Variants in COL11A2 observed in about 807,000 individuals in gnomAD.
COL11A2 encodes collagen alpha-2(XI) chain.
COL11A2 carries 116 observed loss-of-function variants against 273.4 expected under a neutral mutation model. The observed-to-expected ratio is 0.42, with a 90% CI of 0.36 to 0.49. COL11A2 has a LOEUF of 0.49. Among genes scored for constraint, COL11A2 ranks in the 20% least tolerant of loss-of-function variants. The probability of loss-of-function intolerance (pLI) is 0.00; values close to 1 mark genes in which losing one functional copy is unlikely to be tolerated. For synonymous variants in COL11A2, 782 were observed against 864.2 expected, an observed-to-expected ratio of 0.90 and a Z score of 1.67; for missense variants, 1,866 against 2,309.0, an observed-to-expected ratio of 0.81 and a Z score of 3.93.
chr6:33,176,497 A>C lies in COL11A2; in HGVS notation c.2116-11T>G. 6.2e-7 allele frequency: 1 copy of C among 1,611,470 alleles called. No individual in the cohort carries two copies. Among genetic ancestry groups the C allele is most frequent in the Non-Finnish European group, 8.5e-7 (1 of 1,178,828 alleles). On this transcript the variant is annotated splice_polypyrimidine_tract_variant and intron_variant, in intron 26 of 65. Transcript: ENST00000341947. The surrounding 1 kb of genome is among the most constrained non-coding windows in gnomAD (Gnocchi z 4.9). Reference sequence around the variant, plus strand: ...AGGTCCAGAGGGACCCTGGAAGATAAAAGAGAGGCATTTATAAAGGGGCCT... The same window carrying C: ...AGGTCCAGAGGGACCCTGGAAGATACAAGAGAGGCATTTATAAAGGGGCCT...
chr6:33,185,910 G>C (rs1772363354), intron 5 of COL11A2, 132 bp from the exon 6 acceptor site: 3 of 401,516 alleles, frequency 7.5e-6, no homozygotes, highest in South Asian at 5.5e-5. Flanking sequence ...TTGGGAAACA[G>C]AGAGTTGAAG....
At chr6:33,168,593 G>GA in intron 53 of COL11A2, 21 bp from the exon 54 acceptor site, 1 of 1,613,076 alleles carries the variant, frequency 6.2e-7, no homozygotes, top group Non-Finnish European at 8.5e-7. Context: ...AGGAATTGGG[G>GA]TGGCTGAGTG....
chr6:33,178,266 C>T lies in COL11A2; in HGVS notation c.1818+42G>A, dbSNP rs73741534. The T allele has an allele frequency of 2.3e-3, 3,788 of 1,612,738 alleles. 16 individuals carry two copies. Among genetic ancestry groups the T allele is most frequent in the African/African-American group, 0.018 (1,363 of 74,928 alleles). ...AGTGCTCATGTCCCCCTCCTGGCTT[C>T]CCCAGAGCCCCCTCCCCCAGCACCA... On this transcript the variant is annotated intron_variant, in intron 20 of 65. Transcript: ENST00000341947. This position sits in a 1 kb window ranked among gnomAD's most constrained non-coding sequence, Gnocchi z 4.6.
intron 54 of COL11A2, among the ~76,000 whole-genome samples, chr6:33,168,283 T>C (rs1309849228): frequency 7.0e-6 from 1 of 142,834 alleles, no homozygotes; most frequent in Non-Finnish European, 1.6e-5. Context: ...GCACACACAC[T>C]CGCCCAGTGC....
Position 33,189,436 on chromosome 6 carries a change from C to A in COL11A2, c.116G>T (p.Arg39Met). ...GACACCATCAGGGAGGGAGGGGAAC[C>A]TCAGGGCCCGGAGCACATCCACAGG... is the stretch of plus-strand genomic sequence containing the variant. The part of the protein sequence containing the change: ...APPVDVLRAL[R>M]FPSLPDGVRR... The change falls in exon 2 of 66, where the codon AGG becomes ATG. Residue 39 changes from arginine (R) to methionine (M), a missense_variant. Arg to Met is a moderately conservative substitution (Grantham distance 91). Transcript: ENST00000341947. The surrounding 1 kb of genome is among the most constrained non-coding windows in gnomAD (Gnocchi z 5.6). 5.0e-6 allele frequency: 8 copies of A among 1,613,110 alleles called. No individual in the cohort carries two copies. The highest frequency in any genetic ancestry group is 2.2e-5 in the East Asian group (1 of 44,872).
chr6:33,170,747 TG>T lies in COL11A2; in HGVS notation c.3474+62del. ...GCATCGGCAGGCTGCTGGCAGAGTC[TG>T]GGGCAAAACATCACCCCATCCTGAC... On this transcript the variant is annotated intron_variant, in intron 46 of 65. Coordinates refer to ENST00000341947, the MANE Select transcript of COL11A2 (RefSeq NM_080680.3). The surrounding 1 kb of genome is among the most constrained non-coding windows in gnomAD (Gnocchi z 4.3). 1 of 1,598,138 alleles carries T rather than the reference TG, an allele frequency of 6.3e-7. No homozygotes were observed. Among genetic ancestry groups the T allele is most frequent in the Non-Finnish European group, 8.6e-7 (1 of 1,166,700 alleles).
At position 33,189,206 on chromosome 6, in the gene COL11A2, T is replaced by G. The variant is rs1562389924; in HGVS notation, c.233-18A>C. On this transcript the variant is annotated intron_variant, in intron 2 of 65. Coordinates refer to ENST00000341947, the MANE Select transcript of COL11A2 (RefSeq NM_080680.3). This position sits in a 1 kb window ranked among gnomAD's most constrained non-coding sequence, Gnocchi z 5.6. ...AAATCCTCCTAGTAACCGAGAGAGA[T>G]ACACACAGAGTGAGAGGCAAAGGGA... 1 of 1,613,226 alleles carries G rather than the reference T, an allele frequency of 6.2e-7. No homozygotes were observed. The highest frequency in any genetic ancestry group is 1.1e-5 in the South Asian group (1 of 91,018).
At position 33,178,741 on chromosome 6, in the gene COL11A2, A is replaced by C. The variant is rs181999673; in HGVS notation, c.1666-9T>G. 4.8e-5 allele frequency: 78 copies of C among 1,612,516 alleles called. No individual in the cohort carries two copies. The East Asian group carries it at 1.6e-3, about 33-fold the overall frequency. ...TCAAAACCTCGGTCACCCTAGGAGG[A>C]GGAAGGATAGCCAGAGTGAGGACAC... On this transcript the variant is annotated splice_polypyrimidine_tract_variant and intron_variant, in intron 17 of 65. Coordinates refer to ENST00000341947, the MANE Select transcript of COL11A2 (RefSeq NM_080680.3). This position sits in a 1 kb window ranked among gnomAD's most constrained non-coding sequence, Gnocchi z 4.6.
intron 38 of COL11A2, 88 bp downstream of exon 38, chr6:33,172,972 C>A (rs1770329645): frequency 7.8e-6 from 11 of 1,415,708 alleles, no homozygotes; most frequent in Non-Finnish European, 1.1e-5. Flanking sequence ...GTCAGGTGGA[C>A]CGGGGCAGGG....
intron 30 of COL11A2, among the ~76,000 whole-genome samples, chr6:33,174,949 C>A (rs1770690690): frequency 1.3e-5 from 2 of 152,158 alleles, no homozygotes; most frequent in Admixed American, 1.3e-4. Flanking sequence ...AATCCCCCTG[C>A]AGGCCCTTTG....
rs151319255 is a variant in COL11A2, at chr6:33,164,861, G to C, written c.4854C>G (p.Asp1618Glu). The C allele has an allele frequency of 2.3e-4, 354 of 1,559,998 alleles. No individual in the cohort carries two copies. The highest frequency in any genetic ancestry group is 2.7e-4 in the Non-Finnish European group (307 of 1,151,056). Residue 1618 changes from aspartate to glutamate, a missense_variant, in exon 64 of 66, where the codon GAC (aspartate) becomes GAG (glutamate). Transcript: ENST00000341947. This position sits in a 1 kb window ranked among gnomAD's most constrained non-coding sequence, Gnocchi z 4.7. Reference sequence around the variant, plus strand: ...AGGGGCCAGCTCTCACCTGCGTGACGTCATCCCTAGGCGTCACACAGGTCT... The same window carrying C: ...AGGGGCCAGCTCTCACCTGCGTGACCTCATCCCTAGGCGTCACACAGGTCT... ...GGETCVTPRD[D>E]VTQFSYVDSE... is the part of the protein sequence containing the mutation.
rs1380702139 is a variant in COL11A2, at chr6:33,163,424, A to G, written c.*254T>C. On this transcript the variant is annotated 3_prime_UTR_variant, in exon 66 of 66. Coordinates refer to ENST00000341947, the MANE Select transcript of COL11A2 (RefSeq NM_080680.3). This position sits in a 1 kb window ranked among gnomAD's most constrained non-coding sequence, Gnocchi z 4.1. Reference sequence around the variant, plus strand: ...GGGGTGATTGGGAGGTGAGTTTTAAATAAGGGTCTCAGCTCTCTAACGGGT... The same window carrying G: ...GGGGTGATTGGGAGGTGAGTTTTAAGTAAGGGTCTCAGCTCTCTAACGGGT... 1.2e-4 allele frequency: 68 copies of G among 581,730 alleles called. No homozygotes were observed. Among genetic ancestry groups the G allele is most frequent in the Non-Finnish European group, 1.5e-4 (50 of 324,740 alleles). The allele number at this position is 581,730 out of a possible 1,614,324, so 36.0% of individuals were successfully genotyped here. A position where few individuals can be genotyped will look rare whatever the true frequency, so the allele number is the denominator to read the frequency against.
At position 33,185,690 on chromosome 6, in the gene COL11A2, C is replaced by A; in HGVS notation, c.876+11G>T. On this transcript the variant is annotated intron_variant, in intron 6 of 65. Transcript: ENST00000341947. ...AGAAAGGGAAGAAATGAAGGGGTCC[C>A]TTGAGTTTACCTGATAATCAGGGGT... The A allele has an allele frequency of 7.5e-7, 1 of 1,335,702 alleles. No individual in the cohort carries two copies. The highest frequency in any genetic ancestry group is 1.0e-6 in the Non-Finnish European group (1 of 994,446). The allele number at this position is 1,335,702 out of a possible 1,614,324, so 82.7% of individuals were successfully genotyped here.
chr6:33,177,844 G>C lies in COL11A2; in HGVS notation c.1873-138C>G. 3 of 970,984 alleles carry C rather than the reference G, an allele frequency of 3.1e-6. No homozygotes were observed. In the East Asian group the frequency reaches 7.8e-5, roughly 25 times the overall value. 60.1% of individuals were successfully genotyped at this position (970,984 alleles called of 1,614,324 possible). A position where few individuals can be genotyped will look rare whatever the true frequency, so the allele number is the denominator to read the frequency against. ...ACCCAAGCAAACACAGCTGGCCCAG[G>C]CCTGCAGTGTGTGGGACTGTGGATC... On this transcript the variant is annotated intron_variant, in intron 21 of 65. Coordinates refer to ENST00000341947, the MANE Select transcript of COL11A2 (RefSeq NM_080680.3). This position sits in a 1 kb window ranked among gnomAD's most constrained non-coding sequence, Gnocchi z 5.9.
intron 10 of COL11A2, 56 bp downstream of exon 10, chr6:33,180,908 G>A (rs901342511): frequency 4.4e-6 from 7 of 1,602,204 alleles, no homozygotes; most frequent in Non-Finnish European, 6.0e-6. Flanking sequence ...GCTCAGATGA[G>A]CACATAGAAG....
At chr6:33,180,498 G>C (rs374985587) in intron 11 of COL11A2, among the ~76,000 whole-genome samples, 166 bp from the exon 12 acceptor site, 20 of 152,264 alleles carry the variant, frequency 1.3e-4, no homozygotes, top group African/African-American at 4.3e-4. Flanking sequence ...AACCAGATCA[G>C]CACCCTCCCC....
In COL11A2 at chr6:33,165,816, C is replaced by T; in HGVS notation, c.4483G>A (p.Gly1495Ser). ...KGVQGPPGHP[G>S]PPGEVIQPLP... ...GGCTGGATCACCTCGCCTGGGGGACCCTGGGTGCAGGGACAGATGGAGAGG... is the reference window on the plus strand; with the variant it reads ...GGCTGGATCACCTCGCCTGGGGGACTCTGGGTGCAGGGACAGATGGAGAGG... The change falls in exon 63 of 66, where the codon GGT (glycine) becomes AGT (serine). Residue 1495 changes from glycine to serine, a missense_variant and splice_region_variant. Physicochemically the swap from Gly to Ser is moderately conservative, Grantham distance 56. Transcript: ENST00000341947. The surrounding 1 kb of genome is among the most constrained non-coding windows in gnomAD (Gnocchi z 7.7). The T allele has an allele frequency of 6.2e-7, 1 of 1,613,500 alleles. No homozygotes were observed. The highest frequency in any genetic ancestry group is 8.5e-7 in the Non-Finnish European group (1 of 1,179,992).
rs1201984929 is a variant in COL11A2, at chr6:33,172,297, C to T, written c.2980G>A (p.Gly994Ser). The change falls in exon 40 of 66, where the codon GGC (glycine) becomes AGC (serine). Residue 994 changes from glycine to serine, a missense_variant. Transcript: ENST00000341947. ...CTGGGAGTCACACTCACAGCAGTGC[C>T]TGGGAGGCCTCTCTCTCCTGGGAAT... ...RGFPGERGLP[G>S]TAGGPGLKGN... The T allele has an allele frequency of 1.3e-6, 2 of 1,585,338 alleles. No homozygotes were observed. The highest frequency in any genetic ancestry group is 1.3e-5 in the African/African-American group (1 of 74,464).
rs1770496190 is a variant in COL11A2 at position 33,173,802 on chromosome 6, G to T, written c.2584-57C>A. On this transcript the variant is annotated intron_variant, in intron 34 of 65. Transcript: ENST00000341947. The surrounding 1 kb of genome is among the most constrained non-coding windows in gnomAD (Gnocchi z 6.3). ...AGAGCTGCTTTCCAGCTGTCCCCGA[G>T]GTCAGGATGTTGAGGGAGAGCTGGG... 6.2e-7 allele frequency: 1 copy of T among 1,609,556 alleles called. No individual in the cohort carries two copies. The highest frequency in any genetic ancestry group is 1.7e-5 in the Admixed American group (1 of 59,950).
Sources: allele counts gnomAD v4.1 joint callset (sites outside exome capture counted in the v4.1 genomes callset), GRCh38; gene constraint gnomAD v4.1.1; non-coding constraint Gnocchi (gnomAD v3.1); transcripts MANE v1.5; gene names NCBI Gene and HGNC (gene_info 2026-07-23, HGNC 2026-07-21).